Variants in PNPLA7 observed in about 807,000 individuals in gnomAD.
The protein encoded by PNPLA7 is patatin-like phospholipase domain-containing protein 7.
Under a neutral mutation model 161.7 loss-of-function variants are expected in PNPLA7, and 153 were observed. The observed-to-expected ratio is 0.95, with a 90% CI of 0.83 to 1.08. The LOEUF is 1.08. Ranked by LOEUF, PNPLA7 falls within the 50% of genes least tolerant of loss-of-function variation. PNPLA7 has a pLI of 0.00. For synonymous variants in PNPLA7, 809 were observed against 782.1 expected (o/e 1.03, Z -0.57); for missense variants, 1,739 against 1,856.6 (o/e 0.94, Z 1.16).
Position 137,464,377 on chromosome 9 carries a change from C to T in PNPLA7, c.3119G>A (p.Ser1040Asn). 1 of 1,613,960 alleles carries T rather than the reference C, an allele frequency of 6.2e-7. No homozygotes were observed. Among genetic ancestry groups the T allele is most frequent in the Non-Finnish European group, 8.5e-7 (1 of 1,179,998 alleles). ...TSMFSGAGFN[S>N]SIFSVFKDQQ... ...GTCCTTGAAGACGCTGAAGATGCTG[C>T]TGTTGAAGCCGGCTCCGGAGAACAT... is the stretch of plus-strand genomic sequence containing the variant. Residue 1040 changes from serine (S) to asparagine (N), a missense_variant, in exon 27 of 35, where the codon AGC (serine) becomes AAC (asparagine). Physicochemically the swap from Ser to Asn is conservative, Grantham distance 46. Coordinates refer to ENST00000406427, the MANE Select transcript of PNPLA7 (RefSeq NM_001098537.3).
chr9:137,475,376 T>G (rs1831901430), intron 25 of PNPLA7, among the ~76,000 whole-genome samples: 1 of 152,148 alleles, frequency 6.6e-6, no homozygotes. Flanking sequence ...CCTTGTTTTG[T>G]TTTTTGTTTT....
At chr9:137,505,782 G>T (rs911100585) in intron 13 of PNPLA7, 22 bp from the exon 14 acceptor site, 13 of 1,612,204 alleles carry the variant, frequency 8.1e-6, no homozygotes, top group Non-Finnish European at 1.1e-5. Context: ...CGGAGATACC[G>T]GCAATTCGAA....
At chr9:137,518,137 C>G (rs1187617951) in intron 11 of PNPLA7, among the ~76,000 whole-genome samples, 2 of 115,040 alleles carry the variant, frequency 1.7e-5, no homozygotes, top group Non-Finnish European at 3.7e-5. Flanking sequence ...TCCACTCTGT[C>G]CACTCCATCC....
At chr9:137,488,813 C>A (rs1832626028) in intron 20 of PNPLA7, among the ~76,000 whole-genome samples, 1 of 150,544 alleles carries the variant, frequency 6.6e-6, no homozygotes, top group Non-Finnish European at 1.5e-5. Context: ...CCGCCCACAC[C>A]AGCAGACATC....
Position 137,498,111 on chromosome 9 carries a change from C to A in PNPLA7, c.1889+3G>T. 6.2e-7 allele frequency: 1 copy of A among 1,612,746 alleles called. No individual in the cohort carries two copies. The highest frequency in any genetic ancestry group is 8.5e-7 in the Non-Finnish European group (1 of 1,179,820). The stretch of plus-strand genomic sequence containing the variant: ...GCGGAGTGTGTGGCACCCACGGCCT[C>A]ACCTGTATATTGCTCGCCCGGCCTC... On this transcript the variant is annotated splice_donor_region_variant and intron_variant, in intron 17 of 34. Transcript: ENST00000406427.
Position 137,500,627 on chromosome 9 carries a change from G to T in PNPLA7, c.1757+64C>A. ...AGCACCAGGAAGAGGCCGGCCACGC[G>T]GGGAGGGGTCTCAGGGCAGGGGGGG... On this transcript the variant is annotated intron_variant, in intron 16 of 34. Coordinates refer to ENST00000406427, the MANE Select transcript of PNPLA7 (RefSeq NM_001098537.3). The surrounding 1 kb of genome is among the most constrained non-coding windows in gnomAD (Gnocchi z 5.5). 1.3e-6 allele frequency: 2 copies of T among 1,504,106 alleles called. No individual in the cohort carries two copies. Among genetic ancestry groups the T allele is most frequent in the South Asian group, 1.2e-5 (1 of 85,774 alleles). The allele number at this position is 1,504,106 out of a possible 1,614,324, so 93.2% of individuals were successfully genotyped here. A position where few individuals can be genotyped will look rare whatever the true frequency, so the allele number is the denominator to read the frequency against.
At chr9:137,465,065 G>A (rs1831400544) in intron 26 of PNPLA7, among the ~76,000 whole-genome samples, 1 of 152,180 alleles carries the variant, frequency 6.6e-6, no homozygotes, top group African/African-American at 2.4e-5. Flanking sequence ...CAGTGTGGAT[G>A]GAGAGGAAGG....
chr9:137,515,252 C>T (rs1339269132), intron 12 of PNPLA7, 127 bp downstream of exon 12: 5 of 1,255,784 alleles, frequency 4.0e-6, no homozygotes, highest in Non-Finnish European at 5.4e-6. Context: ...CCCCCCTGGG[C>T]ACGTGGGGCT....
At chr9:137,501,986 C>T (rs533108934) in intron 14 of PNPLA7, among the ~76,000 whole-genome samples, 11 of 152,336 alleles carry the variant, frequency 7.2e-5, no homozygotes, top group South Asian at 2.1e-4. Context: ...AACAGACACT[C>T]GTATTTTTGT....
chr9:137,511,175 C>G (rs1169122839), intron 12 of PNPLA7, among the ~76,000 whole-genome samples: 1 of 152,088 alleles, frequency 6.6e-6, no homozygotes, highest in Non-Finnish European at 1.5e-5. Context: ...GGCGGTAGCA[C>G]CAGCGCCTGG....
chr9:137,540,822 T>C lies in PNPLA7; in HGVS notation c.667-100A>G, dbSNP rs1006287126. 3.8e-6 allele frequency: 4 copies of C among 1,057,830 alleles called. No individual in the cohort carries two copies. The highest frequency in any genetic ancestry group is 4.2e-6 in the Non-Finnish European group (3 of 710,956). 65.5% of individuals were successfully genotyped at this position (1,057,830 alleles called of 1,614,324 possible). A position where few individuals can be genotyped will look rare whatever the true frequency, so the allele number is the denominator to read the frequency against. ...GCCCAGGGCAGTGGGGCCACGGGCC[T>C]GCACCTCTGAGGCGCCATGAGAGCA... On this transcript the variant is annotated intron_variant, in intron 7 of 34. Coordinates refer to ENST00000406427, the MANE Select transcript of PNPLA7 (RefSeq NM_001098537.3). This position sits in a 1 kb window ranked among gnomAD's most constrained non-coding sequence, Gnocchi z 5.1.
rs936165950 is a variant in PNPLA7 at position 137,486,897 on chromosome 9, C to T, written c.2198-2161G>A. On this transcript the variant is annotated intron_variant, in intron 20 of 34. Transcript: ENST00000406427. The surrounding 1 kb of genome is among the most constrained non-coding windows in gnomAD (Gnocchi z 6.0). ...CCCTGAGAGCTGCTGGTGACCCCCA[C>T]ACCACACAGCTCTCTTCCTGGCCCC... Among the ~76,000 whole-genome samples, 1 of 152,034 alleles carries T rather than the reference C, an allele frequency of 6.6e-6. No homozygotes were observed. Among genetic ancestry groups the T allele is most frequent in the African/African-American group, 2.4e-5 (1 of 41,404 alleles).
chr9:137,510,566 A>T (rs1588643090), intron 12 of PNPLA7, among the ~76,000 whole-genome samples: 1 of 151,972 alleles, frequency 6.6e-6, no homozygotes, highest in Non-Finnish European at 1.5e-5. Context: ...CACACTCTTT[A>T]CCCTGCCCCT....
intron 32 of PNPLA7, 142 bp downstream of exon 32, chr9:137,461,789 C>T (rs1831211067): frequency 1.7e-6 from 2 of 1,197,646 alleles, no homozygotes; most frequent in Non-Finnish European, 2.3e-6. Context: ...CAATCCTTGT[C>T]CTGGCCCTGG....
intron 25 of PNPLA7, among the ~76,000 whole-genome samples, chr9:137,475,045 A>C (rs79169140): frequency 0.022 from 3,246 of 149,904 alleles, 143 homozygotes; most frequent in African/African-American, 0.074. Flanking sequence ...AGCTCCAGGA[A>C]GAGAGAACAC....
intron 8 of PNPLA7, among the ~76,000 whole-genome samples, chr9:137,538,406 C>T (rs887343035): frequency 4.6e-5 from 7 of 152,192 alleles, no homozygotes; most frequent in African/African-American, 1.4e-4. Context: ...GAGCTTGTTA[C>T]GTCCTTTCCG....
In PNPLA7 at chr9:137,484,677, T is replaced by C. The variant is rs1190987372; in HGVS notation, c.2257A>G (p.Asn753Asp). The C allele has an allele frequency of 6.2e-7, 1 of 1,612,506 alleles. No homozygotes were observed. Among genetic ancestry groups the C allele is most frequent in the Non-Finnish European group, 8.5e-7 (1 of 1,179,386 alleles). ...GGCATCACTGCCACCGTGGACAGGT[T>C]GACAGCCGGGTTCCCCAAGTCCCAC... ...SKWDLGNPAV[N>D]LSTVAVMPVS... Residue 753 changes from asparagine to aspartate, a missense_variant, in exon 21 of 35, where the codon AAC becomes GAC. Asn to Asp is a conservative substitution (Grantham distance 23). Around this residue, in one of 6 missense-constraint regions of PNPLA7, gnomAD observed 192 missense variants for 249.5 expected, o/e 0.77. Coordinates refer to ENST00000406427, the MANE Select transcript of PNPLA7 (RefSeq NM_001098537.3).
chr9:137,527,114 A>C (rs1835339836), intron 8 of PNPLA7, among the ~76,000 whole-genome samples: 1 of 152,100 alleles, frequency 6.6e-6, no homozygotes, highest in South Asian at 2.1e-4. Flanking sequence ...TAAAAATACA[A>C]AAATTAGCCG....
In PNPLA7 at chr9:137,461,931, C is replaced by T. The variant is rs763724637; in HGVS notation, c.3756G>A (p.Ala1252=). Reference sequence around the variant, plus strand: ...GCGTGGTCCGGACGCCCGTACTCACCGCACTCGCGGGCTTCTTGCTCGGCC... The same window carrying T: ...GCGTGGTCCGGACGCCCGTACTCACTGCACTCGCGGGCTTCTTGCTCGGCC... The part of the protein sequence containing the change: ...QQGPSKKPAS[A]VLTCPNASFT... Residue 1252 remains alanine (A), a splice_region_variant and synonymous_variant, in exon 32 of 35, where the codon GCG becomes GCA. Transcript: ENST00000406427. 2.6e-6 allele frequency: 4 copies of T among 1,565,614 alleles called. No homozygotes were observed. In the South Asian group the frequency reaches 3.5e-5, roughly 14 times the overall value.
Sources: allele counts gnomAD v4.1 joint callset (sites outside exome capture counted in the v4.1 genomes callset), GRCh38; gene constraint gnomAD v4.1.1; regional missense constraint gnomAD v4.1.1; non-coding constraint Gnocchi (gnomAD v3.1); transcripts MANE v1.5; gene names NCBI Gene and HGNC (gene_info 2026-07-23, HGNC 2026-07-21).